KIF26B: variants seen among roughly 807,000 people sequenced by gnomAD.
The protein encoded by KIF26B is kinesin-like protein KIF26B.
Under a neutral mutation model 151.2 loss-of-function variants are expected in KIF26B, and 63 were observed. The observed-to-expected ratio is 0.42, with a 90% CI of 0.34 to 0.51. KIF26B has a LOEUF of 0.51. Among genes scored for constraint, KIF26B ranks in the 20% least tolerant of loss-of-function variants. The probability of loss-of-function intolerance (pLI) is 0.07; values close to 1 mark genes in which losing one functional copy is unlikely to be tolerated. For missense variants in KIF26B, 2,813 were observed against 2,913.6 expected (o/e 0.97, Z 0.79); for synonymous variants, 1,357 against 1,262.1 (o/e 1.08, Z -1.59).
rs1407236436 is a variant in KIF26B at position 245,609,130 on chromosome 1, A to G, written c.1652-136A>G. 6.5e-6 allele frequency: 5 copies of G among 774,506 alleles called. No individual in the cohort carries two copies. In the South Asian group the frequency reaches 7.7e-5, roughly 12 times the overall value. 48.0% of individuals were successfully genotyped at this position (774,506 alleles called of 1,614,324 possible). A position where few individuals can be genotyped will look rare whatever the true frequency, so the allele number is the denominator to read the frequency against. ...GTTGTTGTCAAATACTATTTCTCTC[A>G]TCTTTTTGTTCCTTCTCTTCCCTTT... On this transcript the variant is annotated intron_variant, in intron 7 of 14. Coordinates refer to ENST00000407071, the MANE Select transcript of KIF26B (RefSeq NM_018012.4).
At chr1:245,583,572 G>A (rs905618875) in intron 5 of KIF26B, among the ~76,000 whole-genome samples, 1 of 152,140 alleles carries the variant, frequency 6.6e-6, no homozygotes, top group Non-Finnish European at 1.5e-5. Flanking sequence ...ATGAGAGTTC[G>A]TTAAATCAGC....
rs761229767 is a variant in KIF26B at position 245,686,446 on chromosome 1, G to A, written c.3463G>A (p.Glu1155Lys). The change falls in exon 12 of 15, where the codon GAG (glutamate) becomes AAG (lysine). Residue 1155 changes from glutamate (E) to lysine (K), a missense_variant. Physicochemically the swap from Glu to Lys is moderately conservative, Grantham distance 56. Around this residue, in one of 3 missense-constraint regions of KIF26B, gnomAD observed 2,060 missense variants for 2,088.6 expected, o/e 0.99. Transcript: ENST00000407071. This position sits in a 1 kb window ranked among gnomAD's most constrained non-coding sequence, Gnocchi z 5.6. ...GTTCCCGGAAACTCCTGTCGATGAT[G>A]AGCAGCAGGCAGCTACTCCTTCAGA... The part of the protein sequence containing the change: ...EGFPETPVDD[E>K]QQAATPSESK... 2.0e-5 allele frequency: 32 copies of A among 1,613,242 alleles called. No homozygotes were observed. Among genetic ancestry groups the A allele is most frequent in the Non-Finnish European group, 2.6e-5 (31 of 1,179,904 alleles).
chr1:245,426,784 C>T (rs1011662676), intron 4 of KIF26B, among the ~76,000 whole-genome samples: 2 of 152,212 alleles, frequency 1.3e-5, no homozygotes, highest in African/African-American at 4.8e-5. Context: ...GGGGCCTGCT[C>T]TTCGTGCTGT....
chr1:245,694,637 CG>C (rs1417419611), intron 12 of KIF26B, among the ~76,000 whole-genome samples: 1 of 152,084 alleles, frequency 6.6e-6, no homozygotes, highest in East Asian at 1.9e-4. Flanking sequence ...CAGATGATAC[CG>C]GAAGATGGAC....
intron 2 of KIF26B, among the ~76,000 whole-genome samples, chr1:245,305,793 C>G (rs1671525065): frequency 6.6e-6 from 1 of 151,828 alleles, no homozygotes; most frequent in South Asian, 2.1e-4. Context: ...AAAAAATTAG[C>G]CGGGTGTGGT....
rs1313554956 is a variant in KIF26B, at chr1:245,158,438, C to T, written c.465+1755C>T. 2.0e-5 allele frequency among the ~76,000 whole-genome samples: 3 copies of T among 151,820 alleles called. No individual in the cohort carries two copies. In the East Asian group the frequency reaches 5.8e-4, roughly 29 times the overall value. On this transcript the variant is annotated intron_variant, in intron 2 of 14. Coordinates refer to ENST00000407071, the MANE Select transcript of KIF26B (RefSeq NM_018012.4). ...ACTTACAGTGTCACGGGAGGCAGCT[C>T]AATATATTTGCCAATTTTATGTATG...
chr1:245,629,931 A>G (rs941112970), intron 9 of KIF26B, among the ~76,000 whole-genome samples: 24 of 152,240 alleles, frequency 1.6e-4, no homozygotes, highest in African/African-American at 5.5e-4. Flanking sequence ...AAGGATATGG[A>G]GAGACACTTC....
intron 2 of KIF26B, among the ~76,000 whole-genome samples, chr1:245,164,428 T>C (rs1452112766): frequency 1.3e-5 from 2 of 152,230 alleles, no homozygotes; most frequent in African/African-American, 2.4e-5. Flanking sequence ...CCAGTTCTAG[T>C]ACTATGCCAC....
chr1:245,261,884 AACCCTT>A (rs1391450554), intron 2 of KIF26B, among the ~76,000 whole-genome samples: 1 of 152,126 alleles, frequency 6.6e-6, no homozygotes, highest in African/African-American at 2.4e-5. Flanking sequence ...TGCCCGGCTC[AACCCTT>A]GTATTTCTTG....
intron 3 of KIF26B, among the ~76,000 whole-genome samples, chr1:245,405,447 G>A (rs1230345315): frequency 6.6e-6 from 1 of 152,076 alleles, no homozygotes; most frequent in Non-Finnish European, 1.5e-5. Context: ...ATTCCTTATG[G>A]CAAATCTGTG....
At chr1:245,320,391 C>T (rs544667152) in intron 2 of KIF26B, among the ~76,000 whole-genome samples, 18 of 152,358 alleles carry the variant, frequency 1.2e-4, no homozygotes, top group African/African-American at 4.3e-4. Context: ...TGCCGCCTCT[C>T]GTTCTCCTCA....
At position 245,609,544 on chromosome 1, in the gene KIF26B, G is replaced by A. The variant is rs2043496937; in HGVS notation, c.1914+16G>A. ...CGGCACGCAGGTGATTGCTTCTGAA[G>A]CCTGGCTCGCCCCAAGGTGGCTCCC... On this transcript the variant is annotated intron_variant, in intron 8 of 14. Coordinates refer to ENST00000407071, the MANE Select transcript of KIF26B (RefSeq NM_018012.4). The A allele has an allele frequency of 7.3e-6, 11 of 1,509,802 alleles. No individual in the cohort carries two copies. The highest frequency in any genetic ancestry group is 8.9e-6 in the Non-Finnish European group (10 of 1,128,092). 93.5% of individuals were successfully genotyped at this position (1,509,802 alleles called of 1,614,324 possible).
intron 2 of KIF26B, among the ~76,000 whole-genome samples, chr1:245,255,056 A>G (rs1337213476): frequency 6.6e-6 from 1 of 152,124 alleles, no homozygotes; most frequent in Non-Finnish European, 1.5e-5. Flanking sequence ...TCATGAATGG[A>G]TTAATGTCAT....
At chr1:245,381,779 G>A (rs1047631744) in intron 3 of KIF26B, among the ~76,000 whole-genome samples, 4 of 152,094 alleles carry the variant, frequency 2.6e-5, no homozygotes, top group African/African-American at 4.8e-5. Context: ...CTTTGTTTCC[G>A]TGAATCTGAC....
chr1:245,223,819 G>A (rs548105861), intron 2 of KIF26B, among the ~76,000 whole-genome samples: 6 of 152,180 alleles, frequency 3.9e-5, no homozygotes, highest in African/African-American at 1.4e-4. Flanking sequence ...TGGTGCAAAG[G>A]TAACGGTGGG....
In KIF26B at chr1:245,643,282, TTC is replaced by T. The variant is rs200438501; in HGVS notation, c.2099-2827_2099-2826del. Among the ~76,000 whole-genome samples the T allele has an allele frequency of 1.5e-3, 231 of 152,212 alleles. 4 individuals carry two copies. Among genetic ancestry groups the T allele is most frequent in the South Asian group, 2.7e-3 (13 of 4,818 alleles). ...TTCTATTTGTCCCATCTGATCTTTGTTCTCTCTCTCTCTTTTTTGCTTTCTTT... is the reference window on the plus strand; with the variant it reads ...TTCTATTTGTCCCATCTGATCTTTGTTCTCTCTCTCTTTTTTGCTTTCTTT... On this transcript the variant is annotated intron_variant, in intron 9 of 14. Coordinates refer to ENST00000407071, the MANE Select transcript of KIF26B (RefSeq NM_018012.4).
chr1:245,653,560 G>A (rs939657941), intron 10 of KIF26B, among the ~76,000 whole-genome samples: 1 of 152,072 alleles, frequency 6.6e-6, no homozygotes, highest in Non-Finnish European at 1.5e-5. Flanking sequence ...CACAGATGGG[G>A]AAACTGAGAC....
Position 245,592,098 on chromosome 1 carries a change from C to T in KIF26B, c.1351-10479C>T, listed in dbSNP as rs143516652. On this transcript the variant is annotated intron_variant, in intron 5 of 14. Coordinates refer to ENST00000407071, the MANE Select transcript of KIF26B (RefSeq NM_018012.4). ...CATTACCGGGCTCCATTCTCCCGTCCTGCACATGCTCCCTCACACTTAGCT... is the reference window on the plus strand; with the variant it reads ...CATTACCGGGCTCCATTCTCCCGTCTTGCACATGCTCCCTCACACTTAGCT... Among the ~76,000 whole-genome samples the T allele has an allele frequency of 3.0e-3, 455 of 152,364 alleles. 8 individuals are homozygous for T. Among genetic ancestry groups the T allele is most frequent in the Admixed American group, 0.026 (404 of 15,302 alleles).
At chr1:245,435,428 CTAT>C (rs1370097537) in intron 4 of KIF26B, among the ~76,000 whole-genome samples, 36 of 152,116 alleles carry the variant, frequency 2.4e-4, no homozygotes, top group Admixed American at 2.2e-3. Context: ...TTTCCAGCAC[CTAT>C]TATTATCAGA....
Sources: gnomAD v4.1 joint callset for allele counts (sites outside exome capture counted in the v4.1 genomes callset) on GRCh38, gnomAD v4.1.1 for gene constraint, gnomAD v4.1.1 regional missense constraint, Gnocchi (gnomAD v3.1) non-coding constraint, MANE v1.5 for transcripts, NCBI Gene and HGNC (gene_info 2026-07-23, HGNC 2026-07-21) for gene names.